The following DYNLRB1 variants were observed in gnomAD, a reference collection of about 807,000 sequenced individuals.
The protein encoded by DYNLRB1 is ROBL/LC7-like 1.
DYNLRB1 carries 6 observed loss-of-function variants against 13.5 expected under a neutral mutation model. That is an observed-to-expected ratio of 0.44 (90% CI 0.24 to 0.88). The LOEUF is 0.88. DYNLRB1 is among the 40% of genes least tolerant of loss of function. DYNLRB1 has a pLI of 0.21. For synonymous variants in DYNLRB1, 43 were observed against 45.0 expected (o/e 0.96, Z 0.18); for missense variants, 93 against 127.2 (o/e 0.73, Z 1.29).
intron 1 of DYNLRB1, among the ~76,000 whole-genome samples, chr20:34,522,469 CTTTTTTT>C (rs771811577): frequency 4.8e-4 from 37 of 77,206 alleles, no homozygotes; most frequent in South Asian, 1.0e-3. Flanking sequence ...TTTTCTTTTT[CTTTTTTT>C]TTTTTTTTTT....
chr20:34,520,326 C>A (rs1020880551), intron 1 of DYNLRB1, among the ~76,000 whole-genome samples: 2 of 152,026 alleles, frequency 1.3e-5, no homozygotes, highest in African/African-American at 4.8e-5. Flanking sequence ...AAACATTTAA[C>A]CTTGTTGTCA....
intron 1 of DYNLRB1, among the ~76,000 whole-genome samples, chr20:34,525,839 T>C (rs1980154351): frequency 6.6e-6 from 1 of 152,202 alleles, no homozygotes. Context: ...GAGTCTATCC[T>C]CATGTGCTGT....
chr20:34,534,743 T>G lies in DYNLRB1; in HGVS notation c.195T>G (p.Asp65Glu). Residue 65 changes from aspartate to glutamate, a missense_variant, in exon 3 of 4, where the codon GAT (aspartate) becomes GAG (glutamate). Coordinates refer to ENST00000357156, the MANE Select transcript of DYNLRB1 (RefSeq NM_014183.4). Reference sequence around the variant, plus strand: ...TGCGTGACATCGACCCCCAGAACGATCTCACCTTCCTTCGAATTCGCTCCA... The same window carrying G: ...TGCGTGACATCGACCCCCAGAACGAGCTCACCTTCCTTCGAATTCGCTCCA... ...STVRDIDPQN[D>E]LTFLRIRSKK... The G allele has an allele frequency of 6.2e-7, 1 of 1,614,086 alleles. No homozygotes were observed. The highest frequency in any genetic ancestry group is 8.5e-7 in the Non-Finnish European group (1 of 1,180,002).
intron 3 of DYNLRB1, chr20:34,535,088 A>G: frequency 1.0e-6 from 1 of 985,406 alleles, no homozygotes. Flanking sequence ...CATTTGGGAC[A>G]TAGAGGAGGG....
At chr20:34,515,730 C>CCCTTGGAT (rs1267602711), upstream of DYNLRB1, among the ~76,000 whole-genome samples, 1 of 152,170 alleles carries the variant, frequency 6.6e-6, no homozygotes, top group African/African-American at 2.4e-5. Context: ...AGTCTGGGCG[C>CCCTTGGAT]AAAGCGGGTC....
rs1397656600 is a variant in DYNLRB1 at position 34,516,864 on chromosome 20, C to A, written c.3+403C>A. On this transcript the variant is annotated intron_variant, in intron 1 of 3. Coordinates refer to ENST00000357156, the MANE Select transcript of DYNLRB1 (RefSeq NM_014183.4). ...TATCTTGTATTTCCTCCGCCTCCTC[C>A]CAGCTCTGTGAGGTAGATACAATCT... 9 of 1,534,768 alleles carry A rather than the reference C, an allele frequency of 5.9e-6. No homozygotes were observed. In the South Asian group the frequency reaches 1.1e-4, roughly 19 times the overall value.
At chr20:34,526,482 G>C in intron 2 of DYNLRB1, 139 bp downstream of exon 2, 1 of 266,988 alleles carries the variant, frequency 3.7e-6, no homozygotes, top group Admixed American at 9.0e-5. Flanking sequence ...CACCTCCAGT[G>C]TTCTTTTTTT....
At chr20:34,521,578 C>T (rs1979721864) in intron 1 of DYNLRB1, among the ~76,000 whole-genome samples, 2 of 151,998 alleles carry the variant, frequency 1.3e-5, no homozygotes, top group Non-Finnish European at 2.9e-5. Context: ...CATTTGCTTC[C>T]AGTGGTCATC....
chr20:34,529,890 A>G (rs1980568907), intron 2 of DYNLRB1: 11 of 1,524,266 alleles, frequency 7.2e-6, no homozygotes, highest in Non-Finnish European at 7.9e-6. Context: ...AGACAGGAGC[A>G]GGCCCCCTGC....
At chr20:34,525,475 C>T (rs892151054) in intron 1 of DYNLRB1, among the ~76,000 whole-genome samples, 2 of 152,186 alleles carry the variant, frequency 1.3e-5, no homozygotes, top group African/African-American at 4.8e-5. Flanking sequence ...CAGACTCCAT[C>T]AACTGGGGGA....
chr20:34,524,880 C>T (rs868446391), intron 1 of DYNLRB1, among the ~76,000 whole-genome samples: 4 of 152,134 alleles, frequency 2.6e-5, no homozygotes, highest in Admixed American at 2.0e-4. Context: ...CCCGCCACTA[C>T]GCCCGGCTAA....
intron 1 of DYNLRB1, among the ~76,000 whole-genome samples, chr20:34,519,856 G>A (rs575355342): frequency 5.1e-4 from 77 of 152,236 alleles, no homozygotes; most frequent in Admixed American, 1.5e-3. Context: ...ATAATTGGCC[G>A]GACACAATGG....
At chr20:34,536,219 T>G (rs573149690) in intron 3 of DYNLRB1, 1 of 985,438 alleles carries the variant, frequency 1.0e-6, no homozygotes, top group East Asian at 1.1e-4. Context: ...AGAATCTGTT[T>G]TCCCAGCTTT....
chr20:34,521,138 G>C (rs138445935), intron 1 of DYNLRB1, among the ~76,000 whole-genome samples: 1 of 151,988 alleles, frequency 6.6e-6, no homozygotes, highest in Non-Finnish European at 1.5e-5. Context: ...TCAGCCTCCT[G>C]AGTAGCTGGG....
chr20:34,540,590 A>G lies in DYNLRB1; in HGVS notation c.257A>G (p.Tyr86Cys), dbSNP rs1436293308. 1.3e-5 allele frequency: 21 copies of G among 1,613,520 alleles called. No individual in the cohort carries two copies. The highest frequency in any genetic ancestry group is 1.7e-5 in the Non-Finnish European group (20 of 1,179,822). The change falls in exon 4 of 4, where the codon TAT (tyrosine) becomes TGT (cysteine). Residue 86 changes from tyrosine to cysteine, a missense_variant. Tyr to Cys is a radical substitution (Grantham distance 194). Transcript: ENST00000357156. ...NEIMVAPDKD[Y>C]FLIVIQNPTE The stretch of plus-strand genomic sequence containing the variant: ...TTTTTCTCTTTTGCAGATAAAGACT[A>G]TTTCCTGATTGTGATTCAGAATCCA...
At chr20:34,519,110 C>A (rs942728336) in intron 1 of DYNLRB1, among the ~76,000 whole-genome samples, 1 of 151,732 alleles carries the variant, frequency 6.6e-6, no homozygotes, top group Admixed American at 6.6e-5. Flanking sequence ...TTAGTAGAGA[C>A]AGGGTTTCAC....
intron 2 of DYNLRB1, among the ~76,000 whole-genome samples, chr20:34,533,911 C>CCTCA (rs1293008403): frequency 6.6e-6 from 1 of 151,616 alleles, no homozygotes; most frequent in Non-Finnish European, 1.5e-5. Context: ...CCGAGGTGGG[C>CCTCA]GGATCACCTG....
At chr20:34,538,729 C>T (rs1981363884) in intron 3 of DYNLRB1, among the ~76,000 whole-genome samples, 3 of 152,194 alleles carry the variant, frequency 2.0e-5, no homozygotes, top group Admixed American at 2.0e-4. Context: ...TCTGTTTCTT[C>T]CCTGTTGCAA....
chr20:34,518,092 T>G (rs6059893), intron 1 of DYNLRB1, among the ~76,000 whole-genome samples: 68,786 of 150,440 alleles, frequency 0.46, 16,065 homozygotes, highest in Non-Finnish European at 0.5. Flanking sequence ...TATTGCTGAT[T>G]TATGGTAGGT....
Sources: allele counts gnomAD v4.1 joint callset (sites outside exome capture counted in the v4.1 genomes callset), GRCh38; gene constraint gnomAD v4.1.1; transcripts MANE v1.5; gene names NCBI Gene and HGNC (gene_info 2026-07-23, HGNC 2026-07-21).